ENPP7: variants seen among roughly 807,000 people sequenced by gnomAD.
ENPP7 encodes ectonucleotide pyrophosphatase/phosphodiesterase family member 7.
ENPP7 carries 39 observed loss-of-function variants against 33.6 expected under a neutral mutation model. The ratio of observed to expected loss-of-function variants is 1.16; its 90% CI spans 0.90 to 1.52. The LOEUF (loss-of-function observed/expected upper bound fraction) is 1.52, where lower values mean the gene tolerates loss of function less well. Among genes scored for constraint, ENPP7 ranks in the 40% most tolerant of loss-of-function variants. The pLI is 0.00. For synonymous variants in ENPP7, 244 were observed against 274.3 expected (o/e 0.89, Z 1.09); for missense variants, 594 against 641.0 (o/e 0.93, Z 0.79).
At chr17:79,733,800 T>C (rs2094290463) in intron 2 of ENPP7, 147 bp downstream of exon 2, 4 of 870,996 alleles carry the variant, frequency 4.6e-6, no homozygotes, top group Non-Finnish European at 6.9e-6. Flanking sequence ...CAGAAGGGTG[T>C]GAAGTAGGGC....
In ENPP7 at chr17:79,737,311, G is replaced by A; in HGVS notation, c.1246+51G>A. 11 of 1,423,226 alleles carry A rather than the reference G, an allele frequency of 7.7e-6. No individual in the cohort carries two copies. Among genetic ancestry groups the A allele is most frequent in the African/African-American group, 1.4e-5 (1 of 71,092 alleles). 88.2% of individuals were successfully genotyped at this position (1,423,226 alleles called of 1,614,324 possible). On this transcript the variant is annotated intron_variant, in intron 4 of 5. Transcript: ENST00000328313. The surrounding 1 kb of genome is among the most constrained non-coding windows in gnomAD (Gnocchi z 5.5). ...CGCCTGCTCTGGTGTGTACACGTGT[G>A]CACACGAGGGTGCCTGCATGCCTGT... is the stretch of plus-strand genomic sequence containing the variant.
chr17:79,735,004 A>T lies in ENPP7; in HGVS notation c.400-39A>T. 2 of 1,599,642 alleles carry T rather than the reference A, an allele frequency of 1.3e-6. No homozygotes were observed. The highest frequency in any genetic ancestry group is 2.2e-5 in the South Asian group (2 of 89,372). On this transcript the variant is annotated intron_variant, in intron 2 of 5. Coordinates refer to ENST00000328313, the MANE Select transcript of ENPP7 (RefSeq NM_178543.5). The surrounding 1 kb of genome is among the most constrained non-coding windows in gnomAD (Gnocchi z 5.5). Reference sequence around the variant, plus strand: ...ACAGGCATGAGACAAGGGGCAGCCCACTGAGGAGTCCTGTCTTTCACGCTG... The same window carrying T: ...ACAGGCATGAGACAAGGGGCAGCCCTCTGAGGAGTCCTGTCTTTCACGCTG...
chr17:79,732,121 C>CACATATATACACAT (rs1485764726), intron 1 of ENPP7, among the ~76,000 whole-genome samples: 6 of 48,782 alleles, frequency 1.2e-4, no homozygotes, highest in African/African-American at 4.3e-4. Flanking sequence ...TATATATATA[C>CACATATATACACAT]ATATATATAT....
rs200905387 is a variant in ENPP7 at position 79,733,608 on chromosome 17, G to A, written c.354G>A (p.Trp118Ter). ...ACGCCACGCTGGGCATCCAGAGGTG[G>A]TGGGACAACGGCAGCGTGCCCATCT... ...PYHATLGIQR[W>*]WDNGSVPIWI... The change falls in exon 2 of 6, where the codon TGG (tryptophan) becomes TGA (stop). Residue 118 changes from tryptophan (W) to a stop codon, truncating the protein, a stop_gained. Coordinates refer to ENST00000328313, the MANE Select transcript of ENPP7 (RefSeq NM_178543.5). LOFTEE classifies it high-confidence loss of function. 16 of 1,613,230 alleles carry A rather than the reference G, an allele frequency of 9.9e-6. No homozygotes were observed. The highest frequency in any genetic ancestry group is 1.3e-5 in the Non-Finnish European group (15 of 1,180,008).
chr17:79,740,017 C>A (rs1192590559), intron 5 of ENPP7, among the ~76,000 whole-genome samples: 1 of 152,098 alleles, frequency 6.6e-6, no homozygotes, highest in South Asian at 2.1e-4. Context: ...TATAGTTAGA[C>A]CCCGTCTCTG....
At chr17:79,734,129 T>C (rs181881054) in intron 2 of ENPP7, among the ~76,000 whole-genome samples, 154 of 152,234 alleles carry the variant, frequency 1.0e-3, no homozygotes, top group Non-Finnish European at 1.5e-3. Context: ...GGTTACAGTA[T>C]TGACCCAGGA....
intron 1 of ENPP7, 137 bp from the exon 2 acceptor site, chr17:79,733,371 C>G (rs2094289719): frequency 4.5e-6 from 3 of 669,614 alleles, no homozygotes; most frequent in Non-Finnish European, 4.8e-6. Flanking sequence ...CTCCCCCCAG[C>G]CCTGCCCCAG....
At chr17:79,736,279 T>C (rs111943261) in intron 3 of ENPP7, among the ~76,000 whole-genome samples, 20,774 of 152,208 alleles carry the variant, frequency 0.14, 1,596 homozygotes, top group Middle Eastern at 0.19. Flanking sequence ...GCTGAAGCGA[T>C]CCTCCTGCCT....
At chr17:79,732,927 C>T (rs909926748) in intron 1 of ENPP7, among the ~76,000 whole-genome samples, 2 of 152,254 alleles carry the variant, frequency 1.3e-5, no homozygotes, top group South Asian at 4.1e-4. Flanking sequence ...CCCGTCTGCG[C>T]AGCGCCTCTT....
chr17:79,734,938 G>A lies in ENPP7; in HGVS notation c.400-105G>A, dbSNP rs2094292326. Reference sequence around the variant, plus strand: ...CTGCAGCTAGGAGCAGGGATGGGTGGGTGGAACAGAGAAGTAGGCACGTGG... The same window carrying A: ...CTGCAGCTAGGAGCAGGGATGGGTGAGTGGAACAGAGAAGTAGGCACGTGG... On this transcript the variant is annotated intron_variant, in intron 2 of 5. Transcript: ENST00000328313. 2.5e-6 allele frequency: 3 copies of A among 1,188,156 alleles called. 1 individual carries two copies. In the South Asian group the frequency reaches 4.5e-5, roughly 18 times the overall value. The allele number at this position is 1,188,156 out of a possible 1,614,324, so 73.6% of individuals were successfully genotyped here. A position where few individuals can be genotyped will look rare whatever the true frequency, so the allele number is the denominator to read the frequency against.
At chr17:79,740,594 G>C (rs1450902746) in intron 5 of ENPP7, among the ~76,000 whole-genome samples, 1 of 152,166 alleles carries the variant, frequency 6.6e-6, no homozygotes, top group Admixed American at 6.5e-5. Context: ...GAGGGACTCA[G>C]AAAAAGTCAT....
At chr17:79,734,626 C>T (rs1273594409) in intron 2 of ENPP7, among the ~76,000 whole-genome samples, 1 of 152,050 alleles carries the variant, frequency 6.6e-6, no homozygotes, top group African/African-American at 2.4e-5. Context: ...TACAGGCGCC[C>T]GCCACCACGC....
Position 79,741,930 on chromosome 17 carries a change from C to T in ENPP7, c.*153C>T, listed in dbSNP as rs1905557876. 1.0e-6 allele frequency: 1 copy of T among 985,526 alleles called. No homozygotes were observed. Among genetic ancestry groups the T allele is most frequent in the Admixed American group, 6.1e-5 (1 of 16,276 alleles). 61.0% of individuals were successfully genotyped at this position (985,526 alleles called of 1,614,324 possible). On this transcript the variant is annotated 3_prime_UTR_variant, in exon 6 of 6. Coordinates refer to ENST00000328313, the MANE Select transcript of ENPP7 (RefSeq NM_178543.5). ...CCACTGTCCCCGGCAGCGCCAACCC[C>T]TGCTTGGCTGTTATGGTGCTGGTAA... is the stretch of plus-strand genomic sequence containing the variant.
chr17:79,733,165 C>T (rs567232500), intron 1 of ENPP7, among the ~76,000 whole-genome samples: 19 of 152,322 alleles, frequency 1.2e-4, no homozygotes, highest in South Asian at 8.3e-4. Flanking sequence ...GGAGGTCACC[C>T]GCAATCTTTT....
Position 79,737,842 on chromosome 17 carries a change from C to T in ENPP7, c.1247-74C>T. 6.5e-7 allele frequency: 1 copy of T among 1,549,950 alleles called. No individual in the cohort carries two copies. The highest frequency in any genetic ancestry group is 1.7e-5 in the Admixed American group (1 of 59,452). ...GGGCTCGTGGGGACCAACAGAGGACCCCGAGTTTACTGTGGAGAGGCTGGG... is the reference window on the plus strand; with the variant it reads ...GGGCTCGTGGGGACCAACAGAGGACTCCGAGTTTACTGTGGAGAGGCTGGG... On this transcript the variant is annotated intron_variant, in intron 4 of 5. Transcript: ENST00000328313. The surrounding 1 kb of genome is among the most constrained non-coding windows in gnomAD (Gnocchi z 5.5).
Position 79,738,208 on chromosome 17 carries a change from G to T in ENPP7, c.*16+146G>T. 1 of 749,966 alleles carries T rather than the reference G, an allele frequency of 1.3e-6. No individual in the cohort carries two copies. Among genetic ancestry groups the T allele is most frequent in the South Asian group, 1.7e-5 (1 of 57,840 alleles). 46.5% of individuals were successfully genotyped at this position (749,966 alleles called of 1,614,324 possible). On this transcript the variant is annotated intron_variant, in intron 5 of 5. Transcript: ENST00000328313. The surrounding 1 kb of genome is among the most constrained non-coding windows in gnomAD (Gnocchi z 6.2). ...GACTCCCACTGACCTGGCTGCCCCAGAGAGGCCATCACCCCTGAGATCCCG... is the reference window on the plus strand; with the variant it reads ...GACTCCCACTGACCTGGCTGCCCCATAGAGGCCATCACCCCTGAGATCCCG...
At chr17:79,732,409 G>A (rs569777599) in intron 1 of ENPP7, among the ~76,000 whole-genome samples, 6 of 152,114 alleles carry the variant, frequency 3.9e-5, no homozygotes, top group East Asian at 1.9e-4. Context: ...AAGACCCTGC[G>A]TGGGTGTCCC....
chr17:79,731,111 T>C lies in ENPP7; in HGVS notation c.-29T>C. 12 of 1,590,826 alleles carry C rather than the reference T, an allele frequency of 7.5e-6. No homozygotes were observed. Among genetic ancestry groups the C allele is most frequent in the Non-Finnish European group, 1.0e-5 (12 of 1,171,542 alleles). On this transcript the variant is annotated 5_prime_UTR_variant, in exon 1 of 6. Coordinates refer to ENST00000328313, the MANE Select transcript of ENPP7 (RefSeq NM_178543.5). Reference sequence around the variant, plus strand: ...CGGCAGGAGCCAGCCCTGTGCACCCTGTGTGCCTGTCCATCTGGAAGGCCC... The same window carrying C: ...CGGCAGGAGCCAGCCCTGTGCACCCCGTGTGCCTGTCCATCTGGAAGGCCC...
Position 79,738,338 on chromosome 17 carries a change from A to C in ENPP7, c.*16+276A>C. 3 of 371,620 alleles carry C rather than the reference A, an allele frequency of 8.1e-6. No individual in the cohort carries two copies. The highest frequency in any genetic ancestry group is 1.5e-5 in the Non-Finnish European group (3 of 198,706). 23.0% of individuals were successfully genotyped at this position (371,620 alleles called of 1,614,324 possible). Reference sequence around the variant, plus strand: ...TTCCCACCCTCCCCCAAAAGCCAGAACTCCCTCAGCCTCTGGCCAGAGCTG... The same window carrying C: ...TTCCCACCCTCCCCCAAAAGCCAGACCTCCCTCAGCCTCTGGCCAGAGCTG... On this transcript the variant is annotated intron_variant, in intron 5 of 5. Transcript: ENST00000328313. This position sits in a 1 kb window ranked among gnomAD's most constrained non-coding sequence, Gnocchi z 6.2.
Sources: allele counts gnomAD v4.1 joint callset (sites outside exome capture counted in the v4.1 genomes callset), GRCh38; gene constraint gnomAD v4.1.1; non-coding constraint Gnocchi (gnomAD v3.1); transcripts MANE v1.5; gene names NCBI Gene and HGNC (gene_info 2026-07-23, HGNC 2026-07-21).